TRANK1: variants seen among roughly 807,000 people sequenced by gnomAD.
The protein encoded by TRANK1 is tetratricopeptide repeat and ankyrin repeat containing 1, also known as TPR and ankyrin repeat-containing protein 1.
Under a neutral mutation model 266.0 loss-of-function variants are expected in TRANK1, and 198 were observed. The observed-to-expected ratio is 0.74, with a 90% confidence interval of 0.66 to 0.84. The LOEUF (loss-of-function observed/expected upper bound fraction) is 0.84, where lower values mean the gene tolerates loss of function less well. Among genes scored for constraint, TRANK1 ranks in the 40% least tolerant of loss-of-function variants. The probability of loss-of-function intolerance (pLI) is 0.00; values close to 1 mark genes in which losing one functional copy is unlikely to be tolerated. For synonymous variants in TRANK1, 1,396 were observed against 1,384.1 expected (o/e 1.01, Z -0.19); for missense variants, 3,326 against 3,634.6 (o/e 0.92, Z 2.18).
intron 8 of TRANK1, among the ~76,000 whole-genome samples, chr3:36,882,511 A>G (rs1193622971): frequency 1.3e-5 from 2 of 152,248 alleles, no homozygotes; most frequent in Non-Finnish European, 2.9e-5. Context: ...ACAATGGACC[A>G]AGAATCTAAA....
intron 3 of TRANK1, among the ~76,000 whole-genome samples, chr3:36,902,491 T>C (rs1450581233): frequency 6.6e-6 from 1 of 152,344 alleles, no homozygotes; most frequent in South Asian, 2.1e-4. Context: ...AGTCTTCTGC[T>C]CCTTTTGTCT....
chr3:36,889,569 G>T (rs1327521594), intron 8 of TRANK1, among the ~76,000 whole-genome samples: 1 of 152,202 alleles, frequency 6.6e-6, no homozygotes, highest in Admixed American at 6.5e-5. Context: ...CCATGTTCTT[G>T]AATGATTCAA....
At chr3:36,941,200 C>T (rs10049429) in intron 1 of TRANK1, among the ~76,000 whole-genome samples, 4 of 152,140 alleles carry the variant, frequency 2.6e-5, no homozygotes, top group Non-Finnish European at 5.9e-5. Context: ...ACTGATTTTT[C>T]GGACTGGGAA....
chr3:36,828,457 G>A, intron 23 of TRANK1, 82 bp from the exon 24 acceptor site: 2 of 952,800 alleles, frequency 2.1e-6, no homozygotes, highest in South Asian at 1.5e-5. Context: ...AAGGAAGGAA[G>A]GAAAGGAGGA....
intron 8 of TRANK1, among the ~76,000 whole-genome samples, chr3:36,883,383 T>C (rs755762225): frequency 6.7e-6 from 1 of 148,778 alleles, no homozygotes; most frequent in Non-Finnish European, 1.5e-5. Context: ...TGGGTGAGGC[T>C]GCAGTGAGCC....
intron 8 of TRANK1, among the ~76,000 whole-genome samples, chr3:36,881,309 AG>A (rs1312219159): frequency 2.0e-5 from 3 of 152,062 alleles, no homozygotes; most frequent in African/African-American, 7.2e-5. Flanking sequence ...AAAATTAGCC[AG>A]GCATGGTGGC....
rs761244944 is a variant in TRANK1 at position 36,855,687 on chromosome 3, C to G, written c.4035G>C (p.Leu1345=). Residue 1345 remains leucine, a synonymous_variant, in exon 13 of 24, where the codon CTG becomes CTC. Transcript: ENST00000645898. The stretch of plus-strand genomic sequence containing the variant: ...GAAAAGATTTTATTTCTTTCCAAAT[C>G]AGTGCAGGGTTGTAGGCAGTCCTCC... The part of the protein sequence containing the change: ...TKGRTAYNPA[L]IWKEIKSFLK... 6.2e-7 allele frequency: 1 copy of G among 1,613,836 alleles called. No homozygotes were observed. The highest frequency in any genetic ancestry group is 1.7e-5 in the Admixed American group (1 of 60,006).
chr3:36,830,743 T>C lies in TRANK1; in HGVS notation c.8710+130A>G, dbSNP rs1029951898. The C allele has an allele frequency of 1.4e-5, 15 of 1,051,192 alleles. No homozygotes were observed. The African/African-American group carries it at 1.8e-4, about 12-fold the overall frequency. 65.1% of individuals were successfully genotyped at this position (1,051,192 alleles called of 1,614,324 possible). On this transcript the variant is annotated intron_variant, in intron 22 of 23. Transcript: ENST00000645898. ...TAACTTGAGAATATATATTCCTCAT[T>C]TGTATTTCTTCTAAGGCCAAGATTC...
At chr3:36,899,412 C>G (rs555395684) in intron 3 of TRANK1, among the ~76,000 whole-genome samples, 153 bp from the exon 4 acceptor site, 1 of 152,118 alleles carries the variant, frequency 6.6e-6, no homozygotes, top group African/African-American at 2.4e-5. Context: ...CCTAACATTC[C>G]GAGAGATCAA....
chr3:36,927,378 G>T (rs1402076577), intron 1 of TRANK1, among the ~76,000 whole-genome samples: 1 of 152,230 alleles, frequency 6.6e-6, no homozygotes, highest in Admixed American at 6.5e-5. Context: ...CAGATAAGTT[G>T]TAAGTCTGCC....
At chr3:36,875,593 T>G (rs1286503170) in intron 8 of TRANK1, among the ~76,000 whole-genome samples, 1 of 152,330 alleles carries the variant, frequency 6.6e-6, no homozygotes, top group East Asian at 1.9e-4. Context: ...TAAATGGGTG[T>G]TGTTTCAAGC....
At chr3:36,877,756 T>C (rs1165611043) in intron 8 of TRANK1, among the ~76,000 whole-genome samples, 1 of 152,242 alleles carries the variant, frequency 6.6e-6, no homozygotes, top group Non-Finnish European at 1.5e-5. Context: ...AAAAAAGTTT[T>C]AGTAGTTGAT....
At chr3:36,939,962 C>A (rs534108506) in intron 1 of TRANK1, among the ~76,000 whole-genome samples, 1 of 151,886 alleles carries the variant, frequency 6.6e-6, no homozygotes, top group African/African-American at 2.4e-5. Context: ...GCAATCTTGG[C>A]TCACTGCAAC....
chr3:36,945,581 G>A (rs747445378), upstream of TRANK1, among the ~76,000 whole-genome samples: 1 of 152,164 alleles, frequency 6.6e-6, no homozygotes, highest in African/African-American at 2.4e-5. Flanking sequence ...GCACAGGCCT[G>A]AGCAGGCAAC....
chr3:36,864,327 G>A lies in TRANK1; in HGVS notation c.1232C>T (p.Thr411Ile). Residue 411 changes from threonine to isoleucine, a missense_variant, in exon 10 of 24, where the codon ACT (threonine) becomes ATT (isoleucine). Thr to Ile is a moderately conservative substitution (Grantham distance 89, BLOSUM62 -1). Transcript: ENST00000645898. ...VVQRFLRLLS[T>I]LQEIPPDLVC... ...GTTGTGGAAAAAATTACCTTGCAGA[G>A]TAGAAAGGAGACGCAAGAACCTCTG... 2 of 1,528,198 alleles carry A rather than the reference G, an allele frequency of 1.3e-6. No individual in the cohort carries two copies. The highest frequency in any genetic ancestry group is 1.7e-6 in the Non-Finnish European group (2 of 1,143,912). 94.7% of individuals were successfully genotyped at this position (1,528,198 alleles called of 1,614,324 possible).
At position 36,905,744 on chromosome 3, in the gene TRANK1, G is replaced by C. The variant is rs766185958; in HGVS notation, c.156-2469C>G. ...GAACCAGCTCTGCAGTATGATTCAT[G>C]CTCCAGAGCTGCCTATGGGATCAGG... On this transcript the variant is annotated intron_variant, in intron 2 of 23. Transcript: ENST00000645898. Among the ~76,000 whole-genome samples the C allele has an allele frequency of 2.4e-4, 37 of 152,116 alleles. 1 individual carries two copies. Among genetic ancestry groups the C allele is most frequent in the Admixed American group, 2.4e-3 (36 of 15,276 alleles).
At chr3:36,944,455 G>C (rs2080542560) in intron 1 of TRANK1, among the ~76,000 whole-genome samples, 1 of 152,304 alleles carries the variant, frequency 6.6e-6, no homozygotes, top group South Asian at 2.1e-4. Flanking sequence ...GGCAGCCCCC[G>C]GGAACCCCTG....
At position 36,892,334 on chromosome 3, in the gene TRANK1, CGT is replaced by C. The variant is rs2079712180; in HGVS notation, c.641_642del (p.Tyr214CysfsTer7). On this transcript the variant is annotated frameshift_variant, in exon 7 of 24. Transcript: ENST00000645898. LOFTEE classifies it high-confidence loss of function. ...ATCTTCTCATAAAGTCCAATGAAAA[CGT>C]ATTTCTGGGGAAAAAAAACACACAG... is the stretch of plus-strand genomic sequence containing the variant. ...ELSLKSLFEKYVFIGLYEKME... is the reference protein window; with the variant it reads ...ELSLKSLFEKXVFIGLYEKME... 1 of 1,536,508 alleles carries C rather than the reference CGT, an allele frequency of 6.5e-7. No individual in the cohort carries two copies. The highest frequency in any genetic ancestry group is 1.4e-5 in the African/African-American group (1 of 72,962).
chr3:36,828,359 A>T lies in TRANK1; in HGVS notation c.8826T>A (p.Asp2942Glu). 1 of 1,530,864 alleles carries T rather than the reference A, an allele frequency of 6.5e-7. No individual in the cohort carries two copies. Among genetic ancestry groups the T allele is most frequent in the Non-Finnish European group, 8.9e-7 (1 of 1,125,846 alleles). 94.8% of individuals were successfully genotyped at this position (1,530,864 alleles called of 1,614,324 possible). Residue 2942 changes from aspartate to glutamate, a missense_variant, in exon 24 of 24, where the codon GAT (aspartate) becomes GAA (glutamate). Physicochemically the swap from Asp to Glu is conservative, Grantham distance 45. Transcript: ENST00000645898. ...AGTCTTCAACTTCATTTTCATAATC[A>T]TCTTCCTGAACAATACCTGAAGAAA... ...RLKKEGIVQE[D>E]DYENEVEDFG...
Sources: gnomAD v4.1 joint callset for allele counts (sites outside exome capture counted in the v4.1 genomes callset) on GRCh38, gnomAD v4.1.1 for gene constraint, MANE v1.5 for transcripts, NCBI Gene and HGNC (gene_info 2026-07-23, HGNC 2026-07-21) for gene names.